Variants in SERPINB1 observed in about 807,000 individuals in gnomAD.
The protein encoded by SERPINB1 is serpin family B member 1, also known as leukocyte elastase inhibitor.
In SERPINB1, 23 loss-of-function variants were observed where a neutral mutation model predicts 25.9. That is an observed-to-expected ratio of 0.89 (90% CI 0.64 to 1.26). The LOEUF (loss-of-function observed/expected upper bound fraction) is 1.26, where lower values mean the gene tolerates loss of function less well. Among genes scored for constraint, SERPINB1 ranks in the 50% most tolerant of loss-of-function variants. SERPINB1 has a pLI of 0.00. For missense variants in SERPINB1, 399 were observed against 463.6 expected (o/e 0.86, Z 1.28); for synonymous variants, 178 against 178.7 (o/e 1.00, Z 0.03).
In SERPINB1 at chr6:2,833,879, C is replaced by A. The variant is rs752211279; in HGVS notation, c.869G>T (p.Arg290Leu). ...ESYTLNSDLA[R>L]LGVQDLFNSS... ...GTTAAAGAGATCCTGCACACCTAGG[C>A]GGGCGAGGTCGGAGTTGAGAGTGTA... is the stretch of plus-strand genomic sequence containing the variant. Residue 290 changes from arginine to leucine, a missense_variant, in exon 7 of 7, where the codon CGC becomes CTC. By Grantham distance (102) the Arg-to-Leu change is moderately radical. Transcript: ENST00000380739. 6.2e-7 allele frequency: 1 copy of A among 1,614,152 alleles called. No individual in the cohort carries two copies. The highest frequency in any genetic ancestry group is 2.2e-5 in the East Asian group (1 of 44,888).
chr6:2,838,604 T>C lies in SERPINB1; in HGVS notation c.251A>G (p.Tyr84Cys), dbSNP rs1766561209. The change falls in exon 3 of 7, where the codon TAT becomes TGT. Residue 84 changes from tyrosine (Y) to cysteine (C), a missense_variant. Tyr to Cys is a radical substitution (Grantham distance 194). Coordinates refer to ENST00000380739, the MANE Select transcript of SERPINB1 (RefSeq NM_030666.4). ...TAATCTATTAGCAAGTTTCAGAATATAAGACGCTCCACGTTTGTTGATATC... is the reference window on the plus strand; with the variant it reads ...TAATCTATTAGCAAGTTTCAGAATACAAGACGCTCCACGTTTGTTGATATC... Reference protein sequence around the residue: ...NADINKRGASYILKLANRLYG... With the variant: ...NADINKRGASCILKLANRLYG... 1 of 1,610,882 alleles carries C rather than the reference T, an allele frequency of 6.2e-7. No individual in the cohort carries two copies. The highest frequency in any genetic ancestry group is 8.5e-7 in the Non-Finnish European group (1 of 1,178,666).
rs1279442237 is a variant in SERPINB1 at position 2,832,780 on chromosome 6, C to G, written c.*828G>C. On this transcript the variant is annotated 3_prime_UTR_variant, in exon 7 of 7. Coordinates refer to ENST00000380739, the MANE Select transcript of SERPINB1 (RefSeq NM_030666.4). ...TGAGATCGTGCCACTGCACTCCAGC[C>G]TGGGTAACAGAGCAAGACTCTGTCT... The G allele has an allele frequency of 4.1e-5, 6 of 147,182 alleles. No individual in the cohort carries two copies. Among genetic ancestry groups the G allele is most frequent in the Non-Finnish European group, 8.9e-5 (6 of 67,614 alleles). 9.1% of individuals were successfully genotyped at this position (147,182 alleles called of 1,614,324 possible). A position where few individuals can be genotyped will look rare whatever the true frequency, so the allele number is the denominator to read the frequency against.
At chr6:2,840,631 C>A (rs752368021) in intron 1 of SERPINB1, 37 bp from the exon 2 acceptor site, 1 of 1,552,600 alleles carries the variant, frequency 6.4e-7, no homozygotes, top group Non-Finnish European at 8.7e-7. Context: ...GTGCCCACTG[C>A]CCACGCCAGC....
At chr6:2,838,030 T>C (rs1174167481) in intron 3 of SERPINB1, 31 bp from the exon 4 acceptor site, 1 of 1,419,840 alleles carries the variant, frequency 7.0e-7, no homozygotes, top group Non-Finnish European at 9.9e-7. Context: ...GAAATATATA[T>C]ATAACTCCTA....
At chr6:2,834,921 T>C (rs1025193511) in intron 6 of SERPINB1, among the ~76,000 whole-genome samples, 1 of 152,216 alleles carries the variant, frequency 6.6e-6, no homozygotes, top group Non-Finnish European at 1.5e-5. Context: ...ACTATTGTTA[T>C]AGCTATTGGA....
At position 2,833,594 on chromosome 6, in the gene SERPINB1, A is replaced by G. The variant is rs1766401512; in HGVS notation, c.*14T>C. 1 of 1,582,506 alleles carries G rather than the reference A, an allele frequency of 6.3e-7. No homozygotes were observed. Among genetic ancestry groups the G allele is most frequent in the African/African-American group, 1.4e-5 (1 of 73,428 alleles). ...CACTAAGCTTGATTTTTGTATTGCT[A>G]CAGTCTCTTTCTTCTAAGGGGAAGA... On this transcript the variant is annotated 3_prime_UTR_variant, in exon 7 of 7. Coordinates refer to ENST00000380739, the MANE Select transcript of SERPINB1 (RefSeq NM_030666.4).
Position 2,840,539 on chromosome 6 carries a change from G to A in SERPINB1, c.48C>T (p.Phe16=), listed in dbSNP as rs1438788726. 2 of 1,614,030 alleles carry A rather than the reference G, an allele frequency of 1.2e-6. No individual in the cohort carries two copies. Among genetic ancestry groups the A allele is most frequent in the African/African-American group, 1.3e-5 (1 of 74,920 alleles). The change falls in exon 2 of 7, where the codon TTC becomes TTT. Residue 16 remains phenylalanine (F), a synonymous_variant. Coordinates refer to ENST00000380739, the MANE Select transcript of SERPINB1 (RefSeq NM_030666.4). ...SANTRFALDL[F]LALSENNPAG... ...CCGGATTGTTCTCACTCAACGCCAG[G>A]AACAGGTCCAAGGCGAAGCGGGTGT... is the stretch of plus-strand genomic sequence containing the variant.
At position 2,840,469 on chromosome 6, in the gene SERPINB1, C is replaced by T. The variant is rs1294342652; in HGVS notation, c.118G>A (p.Ala40Thr). 6.2e-7 allele frequency: 1 copy of T among 1,614,032 alleles called. No homozygotes were observed. Among genetic ancestry groups the T allele is most frequent in the East Asian group, 2.2e-5 (1 of 44,892 alleles). Reference protein sequence around the residue: ...ISPFSISSAMAMVFLGTRGNT... With the variant: ...ISPFSISSAMTMVFLGTRGNT... ...CCTCTGGTCCCCAGAAAAACCATGG[C>T]CATAGCAGATGAAATGCTGAAGGGA... Residue 40 changes from alanine to threonine, a missense_variant, in exon 2 of 7, where the codon GCC becomes ACC. Coordinates refer to ENST00000380739, the MANE Select transcript of SERPINB1 (RefSeq NM_030666.4).
rs560256425 is a variant in SERPINB1 at position 2,835,552 on chromosome 6, G to A, written c.735+304C>T. ...GGCCATCTTTCTTGAAAAATGAAAC[G>A]TTAGCCGGGCACAGTGGCTCACAGC... is the stretch of plus-strand genomic sequence containing the variant. On this transcript the variant is annotated intron_variant, in intron 6 of 6. Coordinates refer to ENST00000380739, the MANE Select transcript of SERPINB1 (RefSeq NM_030666.4). Among the ~76,000 whole-genome samples, 19 of 152,154 alleles carry A rather than the reference G, an allele frequency of 1.2e-4. No individual in the cohort carries two copies. In the South Asian group the frequency reaches 1.9e-3, roughly 15 times the overall value.
intron 3 of SERPINB1, among the ~76,000 whole-genome samples, chr6:2,838,270 A>C (rs1191254887): frequency 3.3e-5 from 5 of 152,178 alleles, no homozygotes; most frequent in Non-Finnish European, 7.3e-5. Context: ...TCTTTTCTGA[A>C]CTTTGACTAA....
At chr6:2,839,372 CT>C (rs1479630834) in intron 2 of SERPINB1, 32 of 985,030 alleles carry the variant, frequency 3.2e-5, no homozygotes, top group African/African-American at 3.5e-5. Flanking sequence ...TATGCTCCAT[CT>C]GCTTTAATGG....
At chr6:2,838,517 G>T in intron 3 of SERPINB1, 32 bp downstream of exon 3, 1 of 1,549,698 alleles carries the variant, frequency 6.5e-7, no homozygotes, top group South Asian at 1.2e-5. Context: ...CTGTCTAGTG[G>T]GGTTTTAGAA....
intron 3 of SERPINB1, among the ~76,000 whole-genome samples, 195 bp from the exon 4 acceptor site, chr6:2,838,194 T>G (rs1766550539): frequency 6.6e-6 from 1 of 152,224 alleles, no homozygotes; most frequent in Non-Finnish European, 1.5e-5. Flanking sequence ...TAGCCACTTT[T>G]AACTGTGCAT....
At position 2,838,654 on chromosome 6, in the gene SERPINB1, A is replaced by G; in HGVS notation, c.201T>C (p.His67=). 1 of 1,604,604 alleles carries G rather than the reference A, an allele frequency of 6.2e-7. No individual in the cohort carries two copies. Among genetic ancestry groups the G allele is most frequent in the Non-Finnish European group, 8.5e-7 (1 of 1,175,686 alleles). Residue 67 remains histidine, a synonymous_variant, in exon 3 of 7, where the codon CAT becomes CAC. Transcript: ENST00000380739. ...CAGCATTCAGACTCTGGAATCTTGAATGAACCTCTTCAACCGTGTTGAAAT... is the reference window on the plus strand; with the variant it reads ...CAGCATTCAGACTCTGGAATCTTGAGTGAACCTCTTCAACCGTGTTGAAAT... ...TFHFNTVEEV[H]SRFQSLNADI... is the part of the protein sequence containing the mutation.
chr6:2,838,393 C>T (rs79095139), intron 3 of SERPINB1, among the ~76,000 whole-genome samples, 156 bp downstream of exon 3: 1 of 152,158 alleles, frequency 6.6e-6, no homozygotes, highest in Non-Finnish European at 1.5e-5. Flanking sequence ...TGCATTCTGT[C>T]GTGTTTGCCT....
At position 2,833,845 on chromosome 6, in the gene SERPINB1, C is replaced by T; in HGVS notation, c.903G>A (p.Lys301=). ...LGVQDLFNSS[K]ADLSGMSGAR... is the part of the protein sequence containing the mutation. ...CTCCTGACATGCCAGACAGATCAGC[C>T]TTGCTACTGTTAAAGAGATCCTGCA... The change falls in exon 7 of 7, where the codon AAG becomes AAA. Residue 301 remains lysine, a synonymous_variant. Transcript: ENST00000380739. 1.9e-6 allele frequency: 3 copies of T among 1,614,134 alleles called. No individual in the cohort carries two copies. The highest frequency in any genetic ancestry group is 2.5e-6 in the Non-Finnish European group (3 of 1,180,004).
intron 2 of SERPINB1, chr6:2,839,543 T>TAGATATGAAAG: frequency 1.1e-6 from 1 of 943,900 alleles, no homozygotes; most frequent in African/African-American, 1.8e-5. Flanking sequence ...TAAAATGCTT[T>TAGATATGAAAG]CATATCTAAA....
chr6:2,840,273 A>G, intron 2 of SERPINB1, 146 bp downstream of exon 2: 1 of 921,844 alleles, frequency 1.1e-6, no homozygotes, highest in Non-Finnish European at 1.6e-6. Context: ...CCTGCATACA[A>G]GTGTGACTTT....
At position 2,838,685 on chromosome 6, in the gene SERPINB1, G is replaced by A; in HGVS notation, c.170C>T (p.Thr57Ile). 6.4e-7 allele frequency: 1 copy of A among 1,552,148 alleles called. No individual in the cohort carries two copies. The highest frequency in any genetic ancestry group is 1.4e-5 in the African/African-American group (1 of 72,070). The change falls in exon 3 of 7, where the codon ACT becomes ATT. Residue 57 changes from threonine to isoleucine, a missense_variant and splice_region_variant. By Grantham distance (89) the Thr-to-Ile change is moderately conservative. Transcript: ENST00000380739. Reference sequence around the variant, plus strand: ...CTCTTCAACCGTGTTGAAATGGAAAGTCTAAAATAAAGAAAATCTTCTTTC... The same window carrying A: ...CTCTTCAACCGTGTTGAAATGGAAAATCTAAAATAAAGAAAATCTTCTTTC... ...RGNTAAQLSK[T>I]FHFNTVEEVH... is the part of the protein sequence containing the mutation.
Sources: gnomAD v4.1 joint callset for allele counts (sites outside exome capture counted in the v4.1 genomes callset) on GRCh38, gnomAD v4.1.1 for gene constraint, MANE v1.5 for transcripts, NCBI Gene and HGNC (gene_info 2026-07-23, HGNC 2026-07-21) for gene names.